Variants in ALG8 observed in about 807,000 individuals in gnomAD.
ALG8 encodes ALG8 alpha-1,3-glucosyltransferase, also known as dolichyl pyrophosphate Glc1Man9GlcNAc2 alpha-1,3-glucosyltransferase.
ALG8 carries 48 observed loss-of-function variants against 70.2 expected under a neutral mutation model. The observed-to-expected ratio is 0.68, with a 90% CI of 0.54 to 0.87. The LOEUF is 0.87. ALG8 is among the 40% of genes least tolerant of loss of function. ALG8 has a pLI of 0.00. For missense variants in ALG8, 572 were observed against 608.7 expected, an observed-to-expected ratio of 0.94 and a Z score of 0.64; for synonymous variants, 234 against 229.0, an observed-to-expected ratio of 1.02 and a Z score of -0.20.
intron 8 of ALG8, among the ~76,000 whole-genome samples, chr11:78,110,564 T>C (rs781732202): frequency 1.3e-5 from 2 of 152,228 alleles, no homozygotes; most frequent in African/African-American, 2.4e-5. Context: ...TCTACTATAC[T>C]GTATTCCTTG....
chr11:78,119,736 A>G (rs1302909036), intron 4 of ALG8, among the ~76,000 whole-genome samples: 1 of 152,102 alleles, frequency 6.6e-6, no homozygotes, highest in East Asian at 1.9e-4. Context: ...GCCTAAACAC[A>G]TATTTTTATT....
At chr11:78,112,812 C>A in intron 7 of ALG8, 42 bp from the exon 8 acceptor site, 2 of 1,605,592 alleles carry the variant, frequency 1.2e-6, no homozygotes, top group Non-Finnish European at 1.7e-6. Flanking sequence ...AGTCATCAAT[C>A]TTTTTCAAAT....
intron 1 of ALG8, among the ~76,000 whole-genome samples, chr11:78,130,628 TA>T (rs1486100027): frequency 3.9e-5 from 6 of 152,178 alleles, no homozygotes; most frequent in African/African-American, 1.4e-4. Flanking sequence ...TTGATGTTGG[TA>T]AGTCTCTTTA....
rs1362733115 is a variant in ALG8 at position 78,130,584 on chromosome 11, G to A, written c.96-3148C>T. Among the ~76,000 whole-genome samples the A allele has an allele frequency of 2.0e-5, 3 of 151,974 alleles. No individual in the cohort carries two copies. The East Asian group carries it at 5.8e-4, about 29-fold the overall frequency. ...TTGAAATTTACTTCCACTGAACTTTGGAAGCTTATTCCATTGGTTTTTAGT... is the reference window on the plus strand; with the variant it reads ...TTGAAATTTACTTCCACTGAACTTTAGAAGCTTATTCCATTGGTTTTTAGT... On this transcript the variant is annotated intron_variant, in intron 1 of 12. Transcript: ENST00000299626.
intron 6 of ALG8, 79 bp from the exon 7 acceptor site, chr11:78,114,068 A>G (rs1340072683): frequency 2.8e-6 from 4 of 1,418,510 alleles, no homozygotes; most frequent in Non-Finnish European, 2.9e-6. Flanking sequence ...TGCTAAAACT[A>G]GAAGTATCCC....
intron 7 of ALG8, among the ~76,000 whole-genome samples, chr11:78,113,114 C>T (rs566486971): frequency 3.3e-5 from 5 of 152,222 alleles, no homozygotes; most frequent in Admixed American, 6.5e-5. Context: ...AAAGATGTGA[C>T]GCGTTTCAGT....
In ALG8 at chr11:78,118,636, AAC is replaced by A. The variant is rs1429347439; in HGVS notation, c.546+544_546+545del. On this transcript the variant is annotated intron_variant, in intron 5 of 12. Coordinates refer to ENST00000299626, the MANE Select transcript of ALG8 (RefSeq NM_024079.5). ...TTCTCAAAAAAAAAAAAAAAAAAAA[AAC>A]AAAAGCAAAGAAAATGTAATTTAGG... Among the ~76,000 whole-genome samples, 702 of 140,014 alleles carry A rather than the reference AAC, an allele frequency of 5.0e-3. 5 individuals carry two copies. The highest frequency in any genetic ancestry group is 0.015 in the Middle Eastern group (4 of 260). 91.9% of individuals were successfully genotyped at this position (140,014 alleles called of 152,430 possible). A position where few individuals can be genotyped will look rare whatever the true frequency, so the allele number is the denominator to read the frequency against.
At chr11:78,117,882 G>A (rs1860647639) in intron 5 of ALG8, among the ~76,000 whole-genome samples, 2 of 151,798 alleles carry the variant, frequency 1.3e-5, no homozygotes, top group South Asian at 2.1e-4. Context: ...AGACCATACT[G>A]TAAATGGTGA....
intron 1 of ALG8, among the ~76,000 whole-genome samples, chr11:78,136,677 T>C (rs1361661760): frequency 6.6e-6 from 1 of 152,214 alleles, no homozygotes; most frequent in Non-Finnish European, 1.5e-5. Context: ...GCATAAGTCT[T>C]AAGGGCCATT....
intron 5 of ALG8, chr11:78,114,798 T>G (rs1332354126): frequency 8.0e-6 from 3 of 372,968 alleles, no homozygotes; most frequent in Non-Finnish European, 5.2e-6. Flanking sequence ...AGGCCCTGTC[T>G]CTACAAAAAA....
intron 7 of ALG8, 25 bp from the exon 8 acceptor site, chr11:78,112,795 A>T (rs1274599297): frequency 6.2e-7 from 1 of 1,611,304 alleles, no homozygotes; most frequent in Non-Finnish European, 8.5e-7. Flanking sequence ...AATGAAACTG[A>T]TTAAACAGTC....
At chr11:78,120,850 C>T (rs1860789955) in intron 4 of ALG8, among the ~76,000 whole-genome samples, 1 of 152,146 alleles carries the variant, frequency 6.6e-6, no homozygotes, top group Non-Finnish European at 1.5e-5. Flanking sequence ...TTAGCTGGTT[C>T]TCACATATCC....
intron 9 of ALG8, chr11:78,107,875 A>G (rs1860116043): frequency 6.7e-6 from 1 of 150,030 alleles, no homozygotes; most frequent in African/African-American, 2.5e-5. Flanking sequence ...GGCCGGGCCT[A>G]GTGACTCACG....
intron 10 of ALG8, among the ~76,000 whole-genome samples, chr11:78,106,396 A>ACTAT (rs1860031620): frequency 6.6e-6 from 1 of 152,050 alleles, no homozygotes; most frequent in African/African-American, 2.4e-5. Flanking sequence ...ATGGGGTTTC[A>ACTAT]CCATGTTAGC....
chr11:78,101,034 G>A lies in ALG8; in HGVS notation c.1511C>T (p.Thr504Ile). ...AACATACAGTTTGAACCAAGCATAT[G>A]TGATGCCTACTGCACAATACACTGA... ...LTSVYCAVGI[T>I]YAWFKLYVSV... The change falls in exon 13 of 13, where the codon ACA becomes ATA. Residue 504 changes from threonine to isoleucine, a missense_variant. By Grantham distance (89) the Thr-to-Ile change is moderately conservative. Coordinates refer to ENST00000299626, the MANE Select transcript of ALG8 (RefSeq NM_024079.5). The A allele has an allele frequency of 6.2e-7, 1 of 1,614,242 alleles. No individual in the cohort carries two copies.
intron 5 of ALG8, among the ~76,000 whole-genome samples, chr11:78,116,563 C>G (rs190541044): frequency 6.6e-6 from 1 of 151,916 alleles, no homozygotes; most frequent in East Asian, 1.9e-4. Flanking sequence ...AGTAAAAATA[C>G]AAAAAATTAG....
chr11:78,115,224 G>A (rs1211844339), intron 5 of ALG8, among the ~76,000 whole-genome samples: 1 of 152,070 alleles, frequency 6.6e-6, no homozygotes. Flanking sequence ...AGTAGAGACA[G>A]GGTTTCACCA....
chr11:78,135,070 C>G (rs1177374920), intron 1 of ALG8, among the ~76,000 whole-genome samples: 1 of 152,184 alleles, frequency 6.6e-6, no homozygotes, highest in Non-Finnish European at 1.5e-5. Context: ...AAAGTCAAAA[C>G]TGATTGGGCA....
intron 5 of ALG8, among the ~76,000 whole-genome samples, chr11:78,117,611 CAAA>C (rs55823839): frequency 1.6e-5 from 2 of 128,548 alleles, no homozygotes; most frequent in Non-Finnish European, 1.7e-5. Flanking sequence ...CCTTCTCTAC[CAAA>C]AAAAAAAAAA....
Sources: gnomAD v4.1 joint callset for allele counts (sites outside exome capture counted in the v4.1 genomes callset) on GRCh38, gnomAD v4.1.1 for gene constraint, MANE v1.5 for transcripts, NCBI Gene and HGNC (gene_info 2026-07-23, HGNC 2026-07-21) for gene names.